The following USP3 variants were observed in gnomAD, a reference collection of about 807,000 sequenced individuals.
USP3 encodes ubiquitin carboxyl-terminal hydrolase 3.
Under a neutral mutation model 72.3 loss-of-function variants are expected in USP3, and 20 were observed. That is an observed-to-expected ratio of 0.28 (90% CI 0.19 to 0.40). The LOEUF is 0.40. USP3 is among the 10% of genes least tolerant of loss of function. The probability of loss-of-function intolerance (pLI) is 1.00; values close to 1 mark genes in which losing one functional copy is unlikely to be tolerated. For synonymous variants in USP3, 222 were observed against 225.3 expected, an observed-to-expected ratio of 0.99 and a Z score of 0.13; for missense variants, 479 against 633.9, an observed-to-expected ratio of 0.76 and a Z score of 2.62.
chr15:63,546,898 G>A (rs549050425), intron 3 of USP3, among the ~76,000 whole-genome samples: 7 of 152,296 alleles, frequency 4.6e-5, no homozygotes, highest in Middle Eastern at 3.4e-3. Context: ...GTGAGCCACC[G>A]CGTCCAGCCA....
rs1242324520 is a variant in USP3, at chr15:63,529,540, TA to T, written c.92-3099del. ...AAAATGTGTTATTGAATTGAGAAAT[TA>T]AAAAAAATTAAAGCCTTGTGAGATA... is the stretch of plus-strand genomic sequence containing the variant. On this transcript the variant is annotated intron_variant, in intron 1 of 14. Coordinates refer to ENST00000380324, the MANE Select transcript of USP3 (RefSeq NM_006537.4). The surrounding 1 kb of genome is among the most constrained non-coding windows in gnomAD (Gnocchi z 4.2). 6.6e-6 allele frequency among the ~76,000 whole-genome samples: 1 copy of T among 152,016 alleles called. No homozygotes were observed. Among genetic ancestry groups the T allele is most frequent in the Non-Finnish European group, 1.5e-5 (1 of 67,996 alleles).
At chr15:63,566,303 CTT>C (rs1011143008) in intron 8 of USP3, among the ~76,000 whole-genome samples, 2 of 139,452 alleles carry the variant, frequency 1.4e-5, no homozygotes, top group Admixed American at 7.2e-5. Context: ...GCCTGTGATG[CTT>C]TTTTTTTTTT....
chr15:63,575,403 T>G (rs78690656), intron 11 of USP3, among the ~76,000 whole-genome samples: 13,969 of 152,122 alleles, frequency 0.092, 727 homozygotes, highest in Middle Eastern at 0.14. Context: ...GGCTTCTCTG[T>G]GCTACTGGCA....
intron 1 of USP3, among the ~76,000 whole-genome samples, chr15:63,505,214 G>A (rs1297894659): frequency 6.6e-6 from 1 of 152,084 alleles, no homozygotes; most frequent in African/African-American, 2.4e-5. Flanking sequence ...CGGCCCCCGA[G>A]GGGCGGCCGC....
intron 1 of USP3, among the ~76,000 whole-genome samples, chr15:63,517,196 C>T (rs2065861549): frequency 6.6e-6 from 1 of 152,026 alleles, no homozygotes. Flanking sequence ...GCTATCCCTC[C>T]CCACTCCCCC....
chr15:63,590,412 T>G (rs1469860948), intron 14 of USP3, among the ~76,000 whole-genome samples: 1 of 152,222 alleles, frequency 6.6e-6, no homozygotes, highest in African/African-American at 2.4e-5. Context: ...GGCTTTGACC[T>G]GTGCTTGTTA....
intron 1 of USP3, among the ~76,000 whole-genome samples, chr15:63,511,644 A>G (rs987171609): frequency 6.6e-6 from 1 of 152,182 alleles, no homozygotes; most frequent in Non-Finnish European, 1.5e-5. Context: ...ATAAAATGCA[A>G]TTAGCTTTTG....
In USP3 at chr15:63,528,877, T is replaced by G; in HGVS notation, c.92-3770T>G. The G allele has an allele frequency of 8.5e-6, 4 of 473,080 alleles. No homozygotes were observed. Among genetic ancestry groups the G allele is most frequent in the Non-Finnish European group, 1.3e-5 (4 of 305,278 alleles). The allele number at this position is 473,080 out of a possible 1,614,324, so 29.3% of individuals were successfully genotyped here. A position where few individuals can be genotyped will look rare whatever the true frequency, so the allele number is the denominator to read the frequency against. On this transcript the variant is annotated intron_variant, in intron 1 of 14. Coordinates refer to ENST00000380324, the MANE Select transcript of USP3 (RefSeq NM_006537.4). This position sits in a 1 kb window ranked among gnomAD's most constrained non-coding sequence, Gnocchi z 4.3. ...TTTAAAGCCAGTGTTTTTCAGTCTA[T>G]TTTATATTTGTCCTGGGTACATTAA...
chr15:63,553,652 G>A lies in USP3; in HGVS notation c.285-63G>A. On this transcript the variant is annotated intron_variant, in intron 3 of 14. Transcript: ENST00000380324. This position sits in a 1 kb window ranked among gnomAD's most constrained non-coding sequence, Gnocchi z 4.2. ...ATCTTGGCAACAGCCAGACCTTTTA[G>A]TGATTTCATTACTGTGGTTTCCTCA... The A allele has an allele frequency of 6.7e-7, 1 of 1,494,266 alleles. No individual in the cohort carries two copies. 92.6% of individuals were successfully genotyped at this position (1,494,266 alleles called of 1,614,324 possible). A position where few individuals can be genotyped will look rare whatever the true frequency, so the allele number is the denominator to read the frequency against.
chr15:63,550,497 TC>T (rs1329580840), intron 3 of USP3, among the ~76,000 whole-genome samples: 1 of 152,206 alleles, frequency 6.6e-6, no homozygotes, highest in African/African-American at 2.4e-5. Context: ...TGTAGAGAAT[TC>T]AAAAATATCT....
Position 63,556,719 on chromosome 15 carries a change from A to G in USP3, c.421A>G (p.Thr141Ala). The G allele has an allele frequency of 6.2e-7, 1 of 1,607,438 alleles. No individual in the cohort carries two copies. The change falls in exon 5 of 15, where the codon ACA (threonine) becomes GCA (alanine). Residue 141 changes from threonine to alanine, a missense_variant. By Grantham distance (58) the Thr-to-Ala change is moderately conservative. Transcript: ENST00000380324. ...GAAAAGAAAACTTTTGGAAAACTCA[A>G]CACTAAACAGCAAGTTATTAAAAGT... ...HKKRKLLENS[T>A]LNSKLLKVNG...
At chr15:63,533,810 G>A in intron 2 of USP3, 1 of 1,235,062 alleles carries the variant, frequency 8.1e-7, no homozygotes, top group Non-Finnish European at 1.0e-6. Context: ...TAGGATTTGG[G>A]GAACCTGAAA....
At chr15:63,516,771 C>T (rs1352055376) in intron 1 of USP3, among the ~76,000 whole-genome samples, 2 of 151,432 alleles carry the variant, frequency 1.3e-5, no homozygotes, top group African/African-American at 4.8e-5. Flanking sequence ...CAAAATATGG[C>T]TGGGCATGGG....
intron 11 of USP3, among the ~76,000 whole-genome samples, chr15:63,577,737 C>T (rs933532517): frequency 1.3e-5 from 2 of 151,658 alleles, no homozygotes; most frequent in Admixed American, 6.6e-5. Flanking sequence ...GGTGACAGAG[C>T]GAGACTCCGT....
intron 5 of USP3, 21 bp from the exon 6 acceptor site, chr15:63,558,085 C>G: frequency 1.2e-6 from 2 of 1,613,936 alleles, no homozygotes; most frequent in South Asian, 2.2e-5. Context: ...TACTGATGGC[C>G]TCTTCTTGCA....
chr15:63,535,297 T>C (rs2066139427), intron 2 of USP3, among the ~76,000 whole-genome samples: 1 of 152,254 alleles, frequency 6.6e-6, no homozygotes, highest in African/African-American at 2.4e-5. Context: ...ATGTGCTAAA[T>C]GTGCCCACCT....
chr15:63,538,786 C>G (rs1398444473), intron 3 of USP3, among the ~76,000 whole-genome samples: 2 of 151,836 alleles, frequency 1.3e-5, no homozygotes, highest in Non-Finnish European at 2.9e-5. Context: ...GACCTCATGA[C>G]CCGCCTGCCT....
intron 3 of USP3, chr15:63,542,286 G>A: frequency 1.3e-6 from 1 of 775,416 alleles, no homozygotes; most frequent in Non-Finnish European, 1.6e-6. Flanking sequence ...AGAATTAAGT[G>A]TTTTTTATTT....
Position 63,529,238 on chromosome 15 carries a change from T to G in USP3, c.92-3409T>G, listed in dbSNP as rs2066031578. The G allele has an allele frequency of 4.8e-6, 2 of 417,326 alleles. No homozygotes were observed. The highest frequency in any genetic ancestry group is 1.4e-4 in the East Asian group (2 of 14,290). 25.9% of individuals were successfully genotyped at this position (417,326 alleles called of 1,614,324 possible). A position where few individuals can be genotyped will look rare whatever the true frequency, so the allele number is the denominator to read the frequency against. On this transcript the variant is annotated intron_variant, in intron 1 of 14. Coordinates refer to ENST00000380324, the MANE Select transcript of USP3 (RefSeq NM_006537.4). This position sits in a 1 kb window ranked among gnomAD's most constrained non-coding sequence, Gnocchi z 4.2. ...AAGGCACAGTCCATAGTCACTTGTTTCCAATGATTTTGGAAGTCAGTACTT... is the reference window on the plus strand; with the variant it reads ...AAGGCACAGTCCATAGTCACTTGTTGCCAATGATTTTGGAAGTCAGTACTT...
Sources: gnomAD v4.1 joint callset for allele counts (sites outside exome capture counted in the v4.1 genomes callset) on GRCh38, gnomAD v4.1.1 for gene constraint, Gnocchi (gnomAD v3.1) non-coding constraint, MANE v1.5 for transcripts, NCBI Gene and HGNC (gene_info 2026-07-23, HGNC 2026-07-21) for gene names.